XPO6: variants seen among roughly 807,000 people sequenced by gnomAD.
XPO6 encodes the protein exportin-6.
A neutral mutation model predicts 130.0 loss-of-function variants in XPO6; 3 were observed. The ratio of observed to expected loss-of-function variants is 0.02; its 90% confidence interval spans 0.01 to 0.06. The LOEUF (loss-of-function observed/expected upper bound fraction) is 0.06, where lower values mean the gene tolerates loss of function less well. XPO6 is among the 10% of genes least tolerant of loss of function. The pLI is 1.00. For missense variants in XPO6, 970 were observed against 1,393.0 expected (o/e 0.70, Z 4.83); for synonymous variants, 524 against 548.9 (o/e 0.95, Z 0.63).
At chr16:28,123,326 T>C (rs891393965) in intron 13 of XPO6, among the ~76,000 whole-genome samples, 1 of 152,136 alleles carries the variant, frequency 6.6e-6, no homozygotes, top group Non-Finnish European at 1.5e-5. Context: ...CAGGTTGGTC[T>C]TGAACTCCTG....
At chr16:28,100,185 C>T (rs1368143505) in intron 23 of XPO6, among the ~76,000 whole-genome samples, 1 of 152,140 alleles carries the variant, frequency 6.6e-6, no homozygotes, top group Non-Finnish European at 1.5e-5. Context: ...GACAGGGTTT[C>T]GCCATGTTGG....
intron 8 of XPO6, among the ~76,000 whole-genome samples, chr16:28,152,190 A>G (rs1356115922): frequency 2.0e-5 from 3 of 152,238 alleles, no homozygotes; most frequent in African/African-American, 7.2e-5. Flanking sequence ...CTGGAATACA[A>G]TAGGAGCTCA....
chr16:28,126,638 A>G lies in XPO6; in HGVS notation c.1607-790T>C, dbSNP rs369264916. On this transcript the variant is annotated intron_variant, in intron 12 of 23. Transcript: ENST00000304658. ...CTTACTTTTCAACACAACTTCTTCA[A>G]ACTGAATAAGGAGGATGCTAAGATG... 5 of 152,244 alleles carry G rather than the reference A, an allele frequency of 3.3e-5. No homozygotes were observed. The East Asian group carries it at 5.8e-4, about 18-fold the overall frequency. The allele number at this position is 152,244 out of a possible 1,614,324, so 9.4% of individuals were successfully genotyped here.
intron 9 of XPO6, among the ~76,000 whole-genome samples, chr16:28,144,751 A>G (rs1266014297): frequency 6.6e-6 from 1 of 152,236 alleles, no homozygotes; most frequent in African/African-American, 2.4e-5. Flanking sequence ...CAGTGTGCCA[A>G]GCATTCTAAA....
At position 28,101,701 on chromosome 16, in the gene XPO6, A is replaced by C. The variant is rs1462732440; in HGVS notation, c.3046-13T>G. 1 of 1,601,458 alleles carries C rather than the reference A, an allele frequency of 6.2e-7. No individual in the cohort carries two copies. The highest frequency in any genetic ancestry group is 1.7e-5 in the Admixed American group (1 of 59,520). The stretch of plus-strand genomic sequence containing the variant: ...TCCGGAAGATCTTCTGCAGGCAGAG[A>C]GACCAGGTGAGCAGCAGCCAGCCCC... On this transcript the variant is annotated splice_polypyrimidine_tract_variant and intron_variant, in intron 22 of 23. Transcript: ENST00000304658. The surrounding 1 kb of genome is among the most constrained non-coding windows in gnomAD (Gnocchi z 5.4).
intron 6 of XPO6, among the ~76,000 whole-genome samples, chr16:28,166,055 T>G (rs1488618628): frequency 6.6e-6 from 1 of 152,044 alleles, no homozygotes; most frequent in Non-Finnish European, 1.5e-5. Context: ...CTGCATAGTC[T>G]CCACTATGCA....
chr16:28,156,627 T>A, intron 6 of XPO6, 100 bp from the exon 7 acceptor site: 1 of 685,886 alleles, frequency 1.5e-6, no homozygotes, highest in South Asian at 4.3e-5. Flanking sequence ...TATGTATACA[T>A]ATATGTATCA....
chr16:28,107,703 T>G, intron 17 of XPO6, 26 bp from the exon 18 acceptor site: 3 of 1,610,856 alleles, frequency 1.9e-6, no homozygotes, highest in Non-Finnish European at 2.5e-6. Context: ...AGTTGCAGGT[T>G]ATAAGCTGTC....
At position 28,121,677 on chromosome 16, in the gene XPO6, T is replaced by G; in HGVS notation, c.1852A>C (p.Ile618Leu). The change falls in exon 14 of 24, where the codon ATT becomes CTT. Residue 618 changes from isoleucine to leucine, a missense_variant. Around this residue, in one of 4 missense-constraint regions of XPO6, gnomAD observed 936 missense variants for 1,306.8 expected, o/e 0.72. Coordinates refer to ENST00000304658, the MANE Select transcript of XPO6 (RefSeq NM_015171.4). ...ATCAAACTCTAGACTTACACATCAA[T>G]GAGGTCAGGTTTCAATACTGATGGC... Reference protein sequence around the residue: ...AVPSVLKPDLIDVHAQSLAAL... With the variant: ...AVPSVLKPDLLDVHAQSLAAL... 1.9e-6 allele frequency: 3 copies of G among 1,608,312 alleles called. No individual in the cohort carries two copies. Among genetic ancestry groups the G allele is most frequent in the Non-Finnish European group, 2.6e-6 (3 of 1,174,740 alleles).
intron 3 of XPO6, 60 bp from the exon 4 acceptor site, chr16:28,176,155 C>A: frequency 6.6e-7 from 1 of 1,518,000 alleles, no homozygotes. Flanking sequence ...AACTGCTTTT[C>A]ATCCCACAGG....
intron 1 of XPO6, among the ~76,000 whole-genome samples, chr16:28,182,456 A>G (rs960390020): frequency 6.6e-6 from 1 of 152,210 alleles, no homozygotes; most frequent in African/African-American, 2.4e-5. Context: ...AGGTCACAGA[A>G]TGATGGCTCT....
At chr16:28,169,267 T>G (rs142381819) in intron 5 of XPO6, among the ~76,000 whole-genome samples, 1 of 152,322 alleles carries the variant, frequency 6.6e-6, no homozygotes, top group East Asian at 1.9e-4. Flanking sequence ...CACCTTGTCA[T>G]GAGGCTCTCA....
At chr16:28,124,564 T>TA (rs2087344462) in intron 13 of XPO6, among the ~76,000 whole-genome samples, 2 of 152,090 alleles carry the variant, frequency 1.3e-5, no homozygotes, top group African/African-American at 4.8e-5. Flanking sequence ...AGGAAACTGT[T>TA]AAAATCCACT....
At chr16:28,111,691 C>T (rs959403095) in intron 17 of XPO6, 126 bp downstream of exon 17, 6 of 1,014,932 alleles carry the variant, frequency 5.9e-6, no homozygotes, top group African/African-American at 1.6e-5. Context: ...ACTTCCTGCT[C>T]AGCCTCTGTG....
intron 4 of XPO6, 41 bp downstream of exon 4, chr16:28,175,856 CA>C (rs751776725): frequency 6.3e-7 from 1 of 1,576,504 alleles, no homozygotes; most frequent in South Asian, 1.1e-5. Flanking sequence ...CTTCAACAAA[CA>C]AACTATTCAC....
intron 13 of XPO6, 66 bp from the exon 14 acceptor site, chr16:28,121,828 A>C (rs1219764092): frequency 1.8e-6 from 2 of 1,130,004 alleles, no homozygotes; most frequent in African/African-American, 1.5e-5. Flanking sequence ...AAAACAGACA[A>C]GGCTGGTACC....
At chr16:28,131,369 C>A (rs932422032) in intron 12 of XPO6, among the ~76,000 whole-genome samples, 2 of 152,140 alleles carry the variant, frequency 1.3e-5, no homozygotes, top group African/African-American at 2.4e-5. Context: ...GCACACTGGG[C>A]GGCTCTGTGC....
intron 8 of XPO6, among the ~76,000 whole-genome samples, chr16:28,147,462 T>C (rs1196867318): frequency 6.9e-6 from 1 of 144,754 alleles, no homozygotes; most frequent in Admixed American, 6.9e-5. Context: ...AAGAAAAGAG[T>C]GTAACTTAAA....
At chr16:28,181,972 G>A (rs1442661021) in intron 1 of XPO6, among the ~76,000 whole-genome samples, 8 of 152,158 alleles carry the variant, frequency 5.3e-5, no homozygotes, top group Admixed American at 2.0e-4. Context: ...AGTAGGAGTC[G>A]CAGGAATGAC....
Sources: allele counts gnomAD v4.1 joint callset (sites outside exome capture counted in the v4.1 genomes callset), GRCh38; gene constraint gnomAD v4.1.1; regional missense constraint gnomAD v4.1.1; non-coding constraint Gnocchi (gnomAD v3.1); transcripts MANE v1.5; gene names NCBI Gene and HGNC (gene_info 2026-07-23, HGNC 2026-07-21).